LOC400499: variants seen among roughly 807,000 people sequenced by gnomAD.
At chr16:11,485,367 C>T in the LOC400499 span, among the ~76,000 whole-genome samples, 1 of 152,278 alleles carries the variant, frequency 6.6e-6, no homozygotes, top group Middle Eastern at 3.4e-3. Context: ...ACTCTCTTCC[C>T]ACCTCCTCTG....
the LOC400499 span, among the ~76,000 whole-genome samples, chr16:11,495,938 T>G: frequency 6.6e-6 from 1 of 152,212 alleles, no homozygotes; most frequent in African/African-American, 2.4e-5. Context: ...ATGCAAATTC[T>G]GGGCTCACTC....
chr16:11,447,576 G>A, the LOC400499 span, among the ~76,000 whole-genome samples: 20 of 152,134 alleles, frequency 1.3e-4, no homozygotes, highest in Non-Finnish European at 1.6e-4. Flanking sequence ...GCTGCTCAAT[G>A]CATAGCCCGC....
At chr16:11,381,709 G>C in the LOC400499 span, among the ~76,000 whole-genome samples, 4 of 152,130 alleles carry the variant, frequency 2.6e-5, no homozygotes, top group Non-Finnish European at 5.9e-5. Context: ...TAGTTGAGCT[G>C]GGTACACACA....
chr16:11,465,276 G>A, the LOC400499 span: 41,370 of 152,032 alleles, frequency 0.27, 5,974 homozygotes, highest in Admixed American at 0.42. Flanking sequence ...ACAGGCATGC[G>A]CCACCACACC....
the LOC400499 span, among the ~76,000 whole-genome samples, chr16:11,425,991 G>GA: frequency 5.9e-5 from 9 of 151,488 alleles, no homozygotes; most frequent in African/African-American, 1.7e-4. Context: ...TAGAAGGAAA[G>GA]AAAAAAATGC....
At chr16:11,466,160 G>A in the LOC400499 span, among the ~76,000 whole-genome samples, 1 of 152,076 alleles carries the variant, frequency 6.6e-6, no homozygotes, top group Admixed American at 6.6e-5. Flanking sequence ...AACTCCATGT[G>A]CTGACTGTGT....
chr16:11,500,511 A>AAAT, the LOC400499 span, among the ~76,000 whole-genome samples: 4,885 of 143,820 alleles, frequency 0.034, 227 homozygotes, highest in African/African-American at 0.1. Flanking sequence ...ACTCCGTCCT[A>AAAT]AATAATAATA....
At chr16:11,445,952 G>A in the LOC400499 span, among the ~76,000 whole-genome samples, 1 of 151,174 alleles carries the variant, frequency 6.6e-6, no homozygotes, top group South Asian at 2.1e-4. Context: ...AGCCTCCTGA[G>A]TAGCTGGGAC....
chr16:11,435,145 ATTTTTTAAAAATTT>A, the LOC400499 span, among the ~76,000 whole-genome samples: 1 of 151,284 alleles, frequency 6.6e-6, no homozygotes, highest in African/African-American at 2.4e-5. Flanking sequence ...ACATCTGGCT[ATTTTTTAAAAATTT>A]TCTGTACAGA....
At chr16:11,376,525 A>T in the LOC400499 span, among the ~76,000 whole-genome samples, 1 of 151,714 alleles carries the variant, frequency 6.6e-6, no homozygotes, top group African/African-American at 2.4e-5. Flanking sequence ...TTCTTTCTAG[A>T]CTCTGTATTT....
chr16:11,429,895 C>T, the LOC400499 span, among the ~76,000 whole-genome samples: 1 of 152,196 alleles, frequency 6.6e-6, no homozygotes, highest in Non-Finnish European at 1.5e-5. Flanking sequence ...GGTCACAATT[C>T]CATGAGAACA....
At chr16:11,417,097 G>C in the LOC400499 span, among the ~76,000 whole-genome samples, 13 of 149,702 alleles carry the variant, frequency 8.7e-5, no homozygotes, top group African/African-American at 3.0e-4. Flanking sequence ...CCCCCAAAAA[G>C]AGATATTGAA....
chr16:11,480,938 C>G, the LOC400499 span, among the ~76,000 whole-genome samples: 1 of 152,190 alleles, frequency 6.6e-6, no homozygotes, highest in Non-Finnish European at 1.5e-5. Flanking sequence ...CTCCAAAAGG[C>G]AGCAACAACC....
chr16:11,388,747 A>G, the LOC400499 span, among the ~76,000 whole-genome samples: 1 of 152,312 alleles, frequency 6.6e-6, no homozygotes, highest in East Asian at 1.9e-4. Flanking sequence ...AGGAACTCCC[A>G]GTCACATCCA....
At chr16:11,430,959 T>C in the LOC400499 span, 1 of 398,450 alleles carries the variant, frequency 2.5e-6, no homozygotes, top group Non-Finnish European at 4.4e-6. Flanking sequence ...TCACTGGACT[T>C]GGGTGGAAAT....
At chr16:11,383,465 GTA>G in the LOC400499 span, among the ~76,000 whole-genome samples, 29 of 152,316 alleles carry the variant, frequency 1.9e-4, no homozygotes, top group East Asian at 5.2e-3. Context: ...CATGAGGCAT[GTA>G]CCTGCCTCGA....
At chr16:11,393,161 C>CT in the LOC400499 span, among the ~76,000 whole-genome samples, 5,313 of 142,760 alleles carry the variant, frequency 0.037, 390 homozygotes, top group African/African-American at 0.13. Context: ...GCCACCCCCC[C>CT]CCCTTTTTTT....
At chr16:11,465,841 C>T in the LOC400499 span, among the ~76,000 whole-genome samples, 1 of 142,646 alleles carries the variant, frequency 7.0e-6, no homozygotes, top group Non-Finnish European at 1.5e-5. Flanking sequence ...GGGGGAAAGA[C>T]GTGGGAAGAG....
the LOC400499 span, among the ~76,000 whole-genome samples, chr16:11,376,367 C>A: frequency 1.3e-5 from 2 of 149,904 alleles, no homozygotes; most frequent in Non-Finnish European, 3.0e-5. Flanking sequence ...TTTTTTTTTC[C>A]CAACATGTTA....
Sources: allele counts gnomAD v4.1 joint callset (sites outside exome capture counted in the v4.1 genomes callset), GRCh38; gene constraint gnomAD v4.1.1; transcripts MANE v1.5.